CDK14: variants seen among roughly 807,000 people sequenced by gnomAD.
CDK14 encodes cyclin-dependent kinase 14.
A neutral mutation model predicts 60.7 loss-of-function variants in CDK14; 34 were observed. The ratio of observed to expected loss-of-function variants is 0.56; its 90% CI spans 0.43 to 0.75. CDK14 has a LOEUF of 0.75. Among genes scored for constraint, CDK14 ranks in the 30% least tolerant of loss-of-function variants. The pLI, the probability that CDK14 is intolerant of heterozygous loss-of-function variation, is 0.00. For synonymous variants in CDK14, 197 were observed against 203.7 expected, an observed-to-expected ratio of 0.97 and a Z score of 0.28; for missense variants, 482 against 564.1, an observed-to-expected ratio of 0.85 and a Z score of 1.47.
intron 4 of CDK14, among the ~76,000 whole-genome samples, chr7:90,765,431 AAG>A (rs1389730595): frequency 6.6e-6 from 1 of 152,110 alleles, no homozygotes; most frequent in Non-Finnish European, 1.5e-5. Context: ...GAGCTGGGCA[AAG>A]AGAGAAGTGA....
chr7:90,835,674 A>G (rs1035951177), intron 5 of CDK14, among the ~76,000 whole-genome samples: 2 of 152,128 alleles, frequency 1.3e-5, no homozygotes. Context: ...TCCAAGTCAC[A>G]TATAGTAGTC....
chr7:90,835,318 C>A (rs764420150), intron 5 of CDK14, among the ~76,000 whole-genome samples: 8 of 151,824 alleles, frequency 5.3e-5, no homozygotes, highest in Admixed American at 5.3e-4. Flanking sequence ...GAGTGGAGAA[C>A]TTGAAGTCAA....
chr7:90,991,803 G>A lies in CDK14; in HGVS notation c.1041+7562G>A, dbSNP rs188121581. 7.2e-5 allele frequency among the ~76,000 whole-genome samples: 11 copies of A among 152,268 alleles called. No homozygotes were observed. In the East Asian group the frequency reaches 1.9e-3, roughly 27 times the overall value. On this transcript the variant is annotated intron_variant, in intron 10 of 14. Coordinates refer to ENST00000380050, the MANE Select transcript of CDK14 (RefSeq NM_001287135.2). Reference sequence around the variant, plus strand: ...ACCTGTGATTCTCCTTGATGTTTTGGTGATGCTGGAGTGAAGGTGGGTATA... The same window carrying A: ...ACCTGTGATTCTCCTTGATGTTTTGATGATGCTGGAGTGAAGGTGGGTATA...
At chr7:91,007,028 C>G (rs1054909457) in intron 10 of CDK14, among the ~76,000 whole-genome samples, 1 of 152,142 alleles carries the variant, frequency 6.6e-6, no homozygotes. Flanking sequence ...GCTTTATGCA[C>G]TCATATGTTA....
chr7:90,706,989 A>G (rs918405473), intron 2 of CDK14, among the ~76,000 whole-genome samples: 56 of 151,894 alleles, frequency 3.7e-4, no homozygotes, highest in African/African-American at 1.2e-3. Flanking sequence ...CTGCCTCCCC[A>G]TTTCTTTTCA....
At chr7:90,734,525 T>C (rs1475307719) in intron 3 of CDK14, among the ~76,000 whole-genome samples, 1 of 152,198 alleles carries the variant, frequency 6.6e-6, no homozygotes, top group Non-Finnish European at 1.5e-5. Flanking sequence ...CTCTTTTTTC[T>C]CTAATCTTAT....
At chr7:91,059,579 T>C (rs112520642) in intron 11 of CDK14, among the ~76,000 whole-genome samples, 2 of 151,932 alleles carry the variant, frequency 1.3e-5, no homozygotes, top group Admixed American at 6.5e-5. Flanking sequence ...GCTTTGAATG[T>C]GTCCCAGAGA....
At chr7:90,810,664 G>A (rs1789058344) in intron 5 of CDK14, among the ~76,000 whole-genome samples, 1 of 152,118 alleles carries the variant, frequency 6.6e-6, no homozygotes, top group African/African-American at 2.4e-5. Context: ...TAGGAAAAGA[G>A]GAAGTCAAAT....
At chr7:90,888,330 C>T (rs1265642169) in intron 6 of CDK14, among the ~76,000 whole-genome samples, 2 of 152,116 alleles carry the variant, frequency 1.3e-5, no homozygotes, top group Non-Finnish European at 2.9e-5. Context: ...AACCTGGCAA[C>T]AGAGCAAGAC....
intron 14 of CDK14, among the ~76,000 whole-genome samples, chr7:91,164,125 C>T (rs976805938): frequency 6.6e-6 from 1 of 152,022 alleles, no homozygotes; most frequent in African/African-American, 2.4e-5. Context: ...CATAGCAGAA[C>T]GTTGGCAACA....
intron 5 of CDK14, among the ~76,000 whole-genome samples, chr7:90,809,866 C>A: frequency 6.6e-6 from 1 of 152,152 alleles, no homozygotes; most frequent in African/African-American, 2.4e-5. Flanking sequence ...ACTAGAAAAT[C>A]TAGAGGAAAT....
chr7:91,154,638 T>A (rs891460183), intron 14 of CDK14, among the ~76,000 whole-genome samples: 8 of 152,190 alleles, frequency 5.3e-5, no homozygotes, highest in Admixed American at 4.6e-4. Context: ...TCTTACTGTG[T>A]CACCTCGGTC....
chr7:90,654,597 G>A (rs888054664), intron 2 of CDK14, among the ~76,000 whole-genome samples: 1 of 152,130 alleles, frequency 6.6e-6, no homozygotes, highest in Non-Finnish European at 1.5e-5. Context: ...CCTGATGGAT[G>A]TTCCAGGATT....
chr7:90,769,975 C>G (rs890894701), intron 4 of CDK14, among the ~76,000 whole-genome samples: 61 of 152,154 alleles, frequency 4.0e-4, no homozygotes, highest in Non-Finnish European at 8.5e-4. Context: ...TCAAAGTGGC[C>G]AAATTCTTTT....
rs73707282 is a variant in CDK14, at chr7:90,617,401, A to G, written c.123+13152A>G. 5.2e-3 allele frequency among the ~76,000 whole-genome samples: 786 copies of G among 152,228 alleles called. 6 individuals carry two copies. The highest frequency in any genetic ancestry group is 0.016 in the African/African-American group (672 of 41,556). ...CTACAGGTGCAGCATATAGTTGGGA[A>G]AACAAAGTTCTTACAAAGAAACAAC... On this transcript the variant is annotated intron_variant, in intron 2 of 14. Transcript: ENST00000380050.
chr7:90,665,091 C>T (rs1800947551), intron 2 of CDK14, among the ~76,000 whole-genome samples: 1 of 151,754 alleles, frequency 6.6e-6, no homozygotes, highest in Admixed American at 6.6e-5. Flanking sequence ...ACCAGCCTGG[C>T]CAACATGGTG....
chr7:90,615,296 G>A (rs1174966935), intron 2 of CDK14, among the ~76,000 whole-genome samples: 1 of 152,162 alleles, frequency 6.6e-6, no homozygotes. Context: ...CAATTTAAAA[G>A]ACATTTGGAA....
At chr7:91,166,543 C>T (rs964486285) in intron 14 of CDK14, among the ~76,000 whole-genome samples, 2 of 152,216 alleles carry the variant, frequency 1.3e-5, no homozygotes, top group Non-Finnish European at 2.9e-5. Flanking sequence ...TTATATTATT[C>T]GTATTTTATA....
chr7:90,858,172 T>A (rs1168481679), intron 5 of CDK14, among the ~76,000 whole-genome samples: 2 of 152,194 alleles, frequency 1.3e-5, no homozygotes, highest in Non-Finnish European at 2.9e-5. Context: ...AAATATAATA[T>A]GAAAAATGAC....
Sources: gnomAD v4.1 joint callset for allele counts (sites outside exome capture counted in the v4.1 genomes callset) on GRCh38, gnomAD v4.1.1 for gene constraint, MANE v1.5 for transcripts, NCBI Gene and HGNC (gene_info 2026-07-23, HGNC 2026-07-21) for gene names.